ZNF398: variants seen among roughly 807,000 people sequenced by gnomAD.
ZNF398 encodes the protein zinc finger DNA binding protein ZER6.
A neutral mutation model predicts 41.9 loss-of-function variants in ZNF398; 18 were observed. The observed-to-expected ratio is 0.43, with a 90% confidence interval of 0.30 to 0.64. The LOEUF is 0.64. Ranked by LOEUF, ZNF398 falls within the 30% of genes least tolerant of loss-of-function variation. The pLI is 0.14. For synonymous variants in ZNF398, 260 were observed against 308.8 expected, an observed-to-expected ratio of 0.84 and a Z score of 1.66; for missense variants, 669 against 822.8, an observed-to-expected ratio of 0.81 and a Z score of 2.29.
In ZNF398 at chr7:149,180,697, T is replaced by C. The variant is rs1441363795; in HGVS notation, c.*896T>C. ...GAGAGTCGTTCACATCAAATTCTTA[T>C]CTTTTCCAAGCCAGTAAGTTGGCTT... On this transcript the variant is annotated 3_prime_UTR_variant, in exon 6 of 6. Coordinates refer to ENST00000475153, the MANE Select transcript of ZNF398 (RefSeq NM_170686.3). The C allele has an allele frequency of 6.6e-6, 1 of 152,210 alleles. No individual in the cohort carries two copies. The highest frequency in any genetic ancestry group is 2.4e-5 in the African/African-American group (1 of 41,470). The allele number at this position is 152,210 out of a possible 1,614,324, so 9.4% of individuals were successfully genotyped here.
chr7:149,156,255 C>G (rs889334384), intron 2 of ZNF398, among the ~76,000 whole-genome samples: 3 of 151,692 alleles, frequency 2.0e-5, no homozygotes, highest in African/African-American at 7.3e-5. Flanking sequence ...GCCTGTAATC[C>G]CACCACTTTG....
At chr7:149,135,174 A>G (rs1826682910) in intron 2 of ZNF398, among the ~76,000 whole-genome samples, 1 of 151,972 alleles carries the variant, frequency 6.6e-6, no homozygotes, top group South Asian at 2.1e-4. Flanking sequence ...TGTTGGATAT[A>G]TGATTAGTAA....
At position 149,171,727 on chromosome 7, in the gene ZNF398, C is replaced by T. The variant is rs996202980; in HGVS notation, c.662-4741C>T. On this transcript the variant is annotated intron_variant, in intron 4 of 5. Transcript: ENST00000475153. ...TTGCTCTGTAGCCCAGGCTGGAGTG[C>T]AGTGGTGTGATCTTGGCTCACTGCA... Among the ~76,000 whole-genome samples, 25 of 152,120 alleles carry T rather than the reference C, an allele frequency of 1.6e-4. 1 individual carries two copies. Among genetic ancestry groups the T allele is most frequent in the Middle Eastern group, 3.4e-3 (1 of 294 alleles).
rs761411059 is a variant in ZNF398, at chr7:149,176,452, T to C, written c.662-16T>C. 407 of 1,586,600 alleles carry C rather than the reference T, an allele frequency of 2.6e-4. No homozygotes were observed. The highest frequency in any genetic ancestry group is 4.5e-4 in the Admixed American group (27 of 59,964). On this transcript the variant is annotated splice_polypyrimidine_tract_variant and intron_variant, in intron 4 of 5. Coordinates refer to ENST00000475153, the MANE Select transcript of ZNF398 (RefSeq NM_170686.3). ...CAAGTTCATGAAGGCCATTTTTTTTTCCTCCCACAAATTAGAGCCTGGTAT... is the reference window on the plus strand; with the variant it reads ...CAAGTTCATGAAGGCCATTTTTTTTCCCTCCCACAAATTAGAGCCTGGTAT...
chr7:149,136,847 C>T (rs1305705628), intron 2 of ZNF398, among the ~76,000 whole-genome samples: 1 of 149,860 alleles, frequency 6.7e-6, no homozygotes, highest in Non-Finnish European at 1.5e-5. Flanking sequence ...CGATTACAGG[C>T]GTGAGCCACC....
intron 1 of ZNF398, among the ~76,000 whole-genome samples, chr7:149,152,533 G>C (rs984757886): frequency 1.4e-4 from 21 of 149,672 alleles, no homozygotes; most frequent in African/African-American, 4.4e-4. Flanking sequence ...TGTTAGGATT[G>C]CAGGCGTGAG....
At chr7:149,160,765 C>T (rs1016661491) in intron 2 of ZNF398, among the ~76,000 whole-genome samples, 1 of 152,230 alleles carries the variant, frequency 6.6e-6, no homozygotes, top group African/African-American at 2.4e-5. Context: ...CTCCACCCTC[C>T]AGAAGCTCAC....
chr7:149,152,539 G>A (rs1416862903), intron 1 of ZNF398, among the ~76,000 whole-genome samples: 6 of 150,182 alleles, frequency 4.0e-5, no homozygotes, highest in African/African-American at 7.4e-5. Flanking sequence ...GATTGCAGGC[G>A]TGAGCCACCG....
intron 2 of ZNF398, among the ~76,000 whole-genome samples, chr7:149,163,680 G>T (rs1795162725): frequency 6.6e-6 from 1 of 152,134 alleles, no homozygotes; most frequent in African/African-American, 2.4e-5. Flanking sequence ...TCGCCATGTT[G>T]GTCAGGCTGG....
At chr7:149,141,341 G>A (rs1479319716) in intron 2 of ZNF398, among the ~76,000 whole-genome samples, 1 of 150,798 alleles carries the variant, frequency 6.6e-6, no homozygotes, top group Non-Finnish European at 1.5e-5. Context: ...TGTGGCCCAG[G>A]CTGGAATGCA....
chr7:149,129,020 T>G (rs1585497995), intron 2 of ZNF398: 1 of 152,050 alleles, frequency 6.6e-6, no homozygotes, highest in Non-Finnish European at 1.5e-5. Context: ...CAGGCTAGTC[T>G]TCAACTCTTG....
chr7:149,127,332 A>C (rs1002274905), intron 1 of ZNF398, among the ~76,000 whole-genome samples: 3 of 151,954 alleles, frequency 2.0e-5, no homozygotes, highest in Non-Finnish European at 4.4e-5. Flanking sequence ...GAGCGTGTGC[A>C]CATCTGTATT....
intron 2 of ZNF398, among the ~76,000 whole-genome samples, chr7:149,159,718 A>C (rs867373027): frequency 0.015 from 2,271 of 149,842 alleles, 53 homozygotes; most frequent in African/African-American, 0.054. Context: ...TTTTCCTCAA[A>C]AAAAAAAAAA....
rs531302245 is a variant in ZNF398, at chr7:149,181,104, T to A, written c.*1303T>A. The A allele has an allele frequency of 6.5e-6, 1 of 152,756 alleles. No homozygotes were observed. Among genetic ancestry groups the A allele is most frequent in the East Asian group, 1.9e-4 (1 of 5,180 alleles). 9.5% of individuals were successfully genotyped at this position (152,756 alleles called of 1,614,324 possible). A position where few individuals can be genotyped will look rare whatever the true frequency, so the allele number is the denominator to read the frequency against. On this transcript the variant is annotated 3_prime_UTR_variant, in exon 6 of 6. Transcript: ENST00000475153. ...GCTTTGCAACTGGGCCTAAGTTCTG[T>A]TTCCTTTATGGATCTCAAATTTTCA...
At chr7:149,159,575 G>A (rs1256855957) in intron 2 of ZNF398, among the ~76,000 whole-genome samples, 1 of 151,978 alleles carries the variant, frequency 6.6e-6, no homozygotes, top group African/African-American at 2.4e-5. Context: ...GTGAACCCGG[G>A]AGGTGGAGGT....
rs1795578291 is a variant in ZNF398, at chr7:149,181,032, T to G, written c.*1231T>G. The G allele has an allele frequency of 6.6e-6, 1 of 152,660 alleles. No homozygotes were observed. Among genetic ancestry groups the G allele is most frequent in the South Asian group, 2.1e-4 (1 of 4,836 alleles). The allele number at this position is 152,660 out of a possible 1,614,324, so 9.5% of individuals were successfully genotyped here. ...ACTTTGACTACCACATGTTCTTTTCTTGGGGTGATTTAATCACCTGGGAGC... is the reference window on the plus strand; with the variant it reads ...ACTTTGACTACCACATGTTCTTTTCGTGGGGTGATTTAATCACCTGGGAGC... On this transcript the variant is annotated 3_prime_UTR_variant, in exon 6 of 6. Transcript: ENST00000475153.
chr7:149,133,786 C>A (rs1826655366), intron 2 of ZNF398, among the ~76,000 whole-genome samples: 1 of 144,746 alleles, frequency 6.9e-6, no homozygotes, highest in Non-Finnish European at 1.5e-5. Flanking sequence ...CGGAGTTTTG[C>A]CCTTGTGCAA....
rs1795567806 is a variant in ZNF398 at position 149,180,516 on chromosome 7, A to T, written c.*715A>T. ...CTGGCTTGATTTGAAACAGGCTCTT[A>T]TTGCCATTTAAACTGCCAGAAATCT... On this transcript the variant is annotated 3_prime_UTR_variant, in exon 6 of 6. Transcript: ENST00000475153. The T allele has an allele frequency of 6.6e-6, 1 of 152,236 alleles. No individual in the cohort carries two copies. 9.4% of individuals were successfully genotyped at this position (152,236 alleles called of 1,614,324 possible).
At position 149,147,864 on chromosome 7, in the gene ZNF398, C is replaced by A; in HGVS notation, c.24+98C>A. ...GGAGCTGCCAGGCATAGGCGCCGTT[C>A]TCGGGTCCCGCCGGCCACGTCGCCT... On this transcript the variant is annotated intron_variant, in intron 1 of 5. Coordinates refer to ENST00000475153, the MANE Select transcript of ZNF398 (RefSeq NM_170686.3). This position sits in a 1 kb window ranked among gnomAD's most constrained non-coding sequence, Gnocchi z 5.6. 1 of 1,271,548 alleles carries A rather than the reference C, an allele frequency of 7.9e-7. No individual in the cohort carries two copies. Among genetic ancestry groups the A allele is most frequent in the Non-Finnish European group, 1.0e-6 (1 of 995,382 alleles). 78.8% of individuals were successfully genotyped at this position (1,271,548 alleles called of 1,614,324 possible). A position where few individuals can be genotyped will look rare whatever the true frequency, so the allele number is the denominator to read the frequency against.
Sources: allele counts gnomAD v4.1 joint callset (sites outside exome capture counted in the v4.1 genomes callset), GRCh38; gene constraint gnomAD v4.1.1; non-coding constraint Gnocchi (gnomAD v3.1); transcripts MANE v1.5; gene names NCBI Gene and HGNC (gene_info 2026-07-23, HGNC 2026-07-21).